ERBB4: variants seen among roughly 807,000 people sequenced by gnomAD.
ERBB4 encodes receptor tyrosine-protein kinase erbB-4.
Under a neutral mutation model 158.0 loss-of-function variants are expected in ERBB4, and 42 were observed. The ratio of observed to expected loss-of-function variants is 0.27; its 90% CI spans 0.21 to 0.34. The LOEUF (loss-of-function observed/expected upper bound fraction) is 0.34, where lower values mean the gene tolerates loss of function less well. Ranked by LOEUF, ERBB4 falls within the 10% of genes least tolerant of loss-of-function variation. The pLI is 1.00. For missense variants in ERBB4, 1,333 were observed against 1,624.1 expected, an observed-to-expected ratio of 0.82 and a Z score of 3.08; for synonymous variants, 583 against 558.7, an observed-to-expected ratio of 1.04 and a Z score of -0.61.
chr2:211,595,259 T>G (rs2068596120), intron 19 of ERBB4, among the ~76,000 whole-genome samples: 1 of 152,158 alleles, frequency 6.6e-6, no homozygotes, highest in South Asian at 2.1e-4. Flanking sequence ...AGACATTGTG[T>G]TGGCTGCTGA....
chr2:212,204,084 G>T (rs971388321), intron 1 of ERBB4, among the ~76,000 whole-genome samples: 3 of 152,024 alleles, frequency 2.0e-5, no homozygotes, highest in Non-Finnish European at 4.4e-5. Flanking sequence ...TATTGAATAT[G>T]GTAAGCTGTT....
intron 19 of ERBB4, among the ~76,000 whole-genome samples, chr2:211,616,697 T>C (rs1040634199): frequency 1.1e-4 from 17 of 152,148 alleles, no homozygotes; most frequent in African/African-American, 4.1e-4. Flanking sequence ...ATTTTAATCA[T>C]TGTGATGCTA....
intron 1 of ERBB4, among the ~76,000 whole-genome samples, chr2:212,387,718 A>C (rs915851161): frequency 2.6e-5 from 4 of 152,034 alleles, no homozygotes; most frequent in African/African-American, 9.7e-5. Context: ...ATGCCCTGCA[A>C]ATTAGAACAC....
At chr2:211,846,700 CA>C (rs1208173059) in intron 3 of ERBB4, among the ~76,000 whole-genome samples, 15 of 152,194 alleles carry the variant, frequency 9.9e-5, no homozygotes, top group African/African-American at 3.6e-4. Context: ...CACACCTCCT[CA>C]ATTGAGTAAA....
chr2:211,651,733 C>T (rs781197613), intron 16 of ERBB4, among the ~76,000 whole-genome samples: 1 of 152,092 alleles, frequency 6.6e-6, no homozygotes, highest in Non-Finnish European at 1.5e-5. Flanking sequence ...ACAAGGAATA[C>T]ACATGGCTGG....
At chr2:211,938,489 A>G (rs1259711758) in intron 3 of ERBB4, among the ~76,000 whole-genome samples, 1 of 152,116 alleles carries the variant, frequency 6.6e-6, no homozygotes, top group African/African-American at 2.4e-5. Flanking sequence ...GTTTAAATTA[A>G]AATTAATTAA....
chr2:211,970,493 A>G (rs2081421244), intron 2 of ERBB4, among the ~76,000 whole-genome samples: 1 of 152,132 alleles, frequency 6.6e-6, no homozygotes, highest in Non-Finnish European at 1.5e-5. Context: ...GTCTCCCACT[A>G]TTATTGTGTG....
chr2:211,996,221 C>T (rs2082196808), intron 2 of ERBB4, among the ~76,000 whole-genome samples: 1 of 151,776 alleles, frequency 6.6e-6, no homozygotes, highest in Non-Finnish European at 1.5e-5. Flanking sequence ...TGTCATTTGT[C>T]ATGCAAGACT....
At chr2:212,516,617 T>C (rs1191660583) in intron 1 of ERBB4, among the ~76,000 whole-genome samples, 1 of 152,100 alleles carries the variant, frequency 6.6e-6, no homozygotes, top group Non-Finnish European at 1.5e-5. Flanking sequence ...TTTAACACAG[T>C]GAGAAAATAA....
In ERBB4 at chr2:211,825,280, C is replaced by T. The variant is rs116213311; in HGVS notation, c.422-37121G>A. Among the ~76,000 whole-genome samples the T allele has an allele frequency of 4.1e-3, 625 of 151,550 alleles. 3 individuals carry two copies. The highest frequency in any genetic ancestry group is 7.5e-3 in the Non-Finnish European group (506 of 67,746). ...AGTAGTTAACGGTAATGAACATATA[C>T]GTATTTCCAAAGCTTTTATGAGACT... On this transcript the variant is annotated intron_variant, in intron 3 of 27. Transcript: ENST00000342788.
Position 212,026,105 on chromosome 2 carries a change from G to A in ERBB4, c.235-78489C>T, listed in dbSNP as rs990283282. Among the ~76,000 whole-genome samples, 9 of 151,614 alleles carry A rather than the reference G, an allele frequency of 5.9e-5. No homozygotes were observed. The South Asian group carries it at 1.0e-3, about 18-fold the overall frequency. ...ATTAAAATCAATATTAAATGGATAC[G>A]TAAGCCAAAGCAAGCAAGATTAAAT... On this transcript the variant is annotated intron_variant, in intron 2 of 27. Transcript: ENST00000342788.
At chr2:211,613,426 T>C (rs1379331964) in intron 19 of ERBB4, among the ~76,000 whole-genome samples, 1 of 142,876 alleles carries the variant, frequency 7.0e-6, no homozygotes, top group Non-Finnish European at 1.5e-5. Flanking sequence ...ATATTTGAAA[T>C]AGTAATTTCA....
At position 212,145,833 on chromosome 2, in the gene ERBB4, T is replaced by A. The variant is rs141233359; in HGVS notation, c.83-20930A>T. ...TTTGTCAATCTGTTTGAGAACTCTTTGGTGTCTATTATCTCTCACTTTCCT... is the reference window on the plus strand; with the variant it reads ...TTTGTCAATCTGTTTGAGAACTCTTAGGTGTCTATTATCTCTCACTTTCCT... On this transcript the variant is annotated intron_variant, in intron 1 of 27. Coordinates refer to ENST00000342788, the MANE Select transcript of ERBB4 (RefSeq NM_005235.3). Among the ~76,000 whole-genome samples, 404 of 151,980 alleles carry A rather than the reference T, an allele frequency of 2.7e-3. 1 individual carries two copies. The highest frequency in any genetic ancestry group is 0.01 in the Middle Eastern group (3 of 294).
intron 1 of ERBB4, among the ~76,000 whole-genome samples, chr2:212,456,655 G>T (rs1162896394): frequency 2.6e-5 from 4 of 151,822 alleles, no homozygotes. Context: ...ACTAACTCAT[G>T]ATTAAAATAA....
intron 3 of ERBB4, among the ~76,000 whole-genome samples, chr2:211,833,609 G>A (rs758383544): frequency 1.3e-5 from 2 of 151,924 alleles, no homozygotes; most frequent in South Asian, 2.1e-4. Context: ...TTTCTGTTAA[G>A]CAGGAAGAAA....
At chr2:212,130,494 A>T (rs1319403134) in intron 1 of ERBB4, among the ~76,000 whole-genome samples, 1 of 152,146 alleles carries the variant, frequency 6.6e-6, no homozygotes, top group Non-Finnish European at 1.5e-5. Flanking sequence ...GATTAATTTG[A>T]TTCATGGGGA....
rs148590200 is a variant in ERBB4 at position 212,295,376 on chromosome 2, T to C, written c.83-170473A>G. 9.8e-3 allele frequency among the ~76,000 whole-genome samples: 1,498 copies of C among 152,198 alleles called. 11 individuals are homozygous for C. Among genetic ancestry groups the C allele is most frequent in the Non-Finnish European group, 0.013 (886 of 67,976 alleles). On this transcript the variant is annotated intron_variant, in intron 1 of 27. Coordinates refer to ENST00000342788, the MANE Select transcript of ERBB4 (RefSeq NM_005235.3). ...TCACACAGCTATAGTGGAATTTCTG[T>C]GTTCAAATGACACAGATTTTTGAAC...
chr2:212,187,285 T>C (rs1050953121), intron 1 of ERBB4, among the ~76,000 whole-genome samples: 1 of 152,064 alleles, frequency 6.6e-6, no homozygotes, highest in African/African-American at 2.4e-5. Context: ...AGATGATTCT[T>C]CGGTTTAAGA....
At chr2:211,797,913 C>T (rs2076416734) in intron 3 of ERBB4, among the ~76,000 whole-genome samples, 1 of 151,858 alleles carries the variant, frequency 6.6e-6, no homozygotes, top group African/African-American at 2.4e-5. Context: ...CACTGGTTGT[C>T]AAAATACAAA....
Sources: gnomAD v4.1 joint callset for allele counts (sites outside exome capture counted in the v4.1 genomes callset) on GRCh38, gnomAD v4.1.1 for gene constraint, MANE v1.5 for transcripts, NCBI Gene and HGNC (gene_info 2026-07-23, HGNC 2026-07-21) for gene names.